Variants in ATXN7 observed in about 807,000 individuals in gnomAD.
The protein encoded by ATXN7 is ataxin-7.
A neutral mutation model predicts 70.5 loss-of-function variants in ATXN7; 12 were observed. The observed-to-expected ratio is 0.17, with a 90% CI of 0.11 to 0.28. ATXN7 has a LOEUF of 0.28. Ranked by LOEUF, ATXN7 falls within the 10% of genes least tolerant of loss-of-function variation. The probability of loss-of-function intolerance (pLI) is 1.00; values close to 1 mark genes in which losing one functional copy is unlikely to be tolerated. For synonymous variants in ATXN7, 498 were observed against 448.7 expected, an observed-to-expected ratio of 1.11 and a Z score of -1.39; for missense variants, 1,256 against 1,131.7, an observed-to-expected ratio of 1.11 and a Z score of -1.58.
chr3:63,997,742 C>CTG, intron 12 of ATXN7: 1 of 1,543,258 alleles, frequency 6.5e-7, no homozygotes, highest in Non-Finnish European at 8.7e-7. Flanking sequence ...GAACTTAACT[C>CTG]AAATGCCAGC....
At chr3:63,986,517 T>C (rs960826647) in intron 8 of ATXN7, among the ~76,000 whole-genome samples, 2 of 152,204 alleles carry the variant, frequency 1.3e-5, no homozygotes, top group Non-Finnish European at 2.9e-5. Flanking sequence ...AGTAATATTA[T>C]ATGTTCATTC....
intron 7 of ATXN7, 84 bp from the exon 8 acceptor site, chr3:63,982,855 G>T (rs929017556): frequency 1.9e-6 from 2 of 1,045,022 alleles, no homozygotes; most frequent in African/African-American, 3.2e-5. Context: ...TTATCTAACT[G>T]TTGATTTCTT....
upstream of ATXN7, chr3:63,863,447 T>C (rs892496408): frequency 9.6e-5 from 108 of 1,130,276 alleles, no homozygotes; most frequent in Non-Finnish European, 1.1e-4. Flanking sequence ...GCACCGCTTC[T>C]AGCCGTCTCG....
At chr3:63,899,084 A>G (rs1703534024) in intron 2 of ATXN7, among the ~76,000 whole-genome samples, 2 of 149,330 alleles carry the variant, frequency 1.3e-5, no homozygotes, top group Admixed American at 1.3e-4. Flanking sequence ...TTTTTTTGAG[A>G]CAGAGTCTCA....
At chr3:63,927,803 G>T (rs1334106551) in intron 4 of ATXN7, among the ~76,000 whole-genome samples, 1 of 152,026 alleles carries the variant, frequency 6.6e-6, no homozygotes, top group African/African-American at 2.4e-5. Context: ...GACAGACTCG[G>T]TGTCTGCTGT....
rs116691118 is a variant in ATXN7 at position 63,952,763 on chromosome 3, C to G, written c.499+280C>G. 7.9e-3 allele frequency among the ~76,000 whole-genome samples: 1,159 copies of G among 146,728 alleles called. 17 individuals carry two copies. Among genetic ancestry groups the G allele is most frequent in the African/African-American group, 0.026 (1,023 of 39,382 alleles). On this transcript the variant is annotated intron_variant, in intron 5 of 12. Transcript: ENST00000674280. ...CATCAGTATAATTACAAGTTTGTTT[C>G]CTTCTGGAGCCCCTGGTTGTGAATT...
At chr3:63,954,710 T>G (rs866591815) in intron 5 of ATXN7, among the ~76,000 whole-genome samples, 1,764 of 142,776 alleles carry the variant, frequency 0.012, 46 homozygotes, top group African/African-American at 0.044. Flanking sequence ...TTTTTTTTTT[T>G]GTTTTTTTTT....
rs554070366 is a variant in ATXN7, at chr3:63,976,299, G to A, written c.500-3616G>A. Among the ~76,000 whole-genome samples, 272 of 152,254 alleles carry A rather than the reference G, an allele frequency of 1.8e-3. 2 individuals are homozygous for A. The highest frequency in any genetic ancestry group is 5.0e-3 in the South Asian group (24 of 4,826). ...TTTTCCTTCTTGCTTTCTTGTGGGG[G>A]GAAAGCCAGATGCTGTCCTTTTCAC... On this transcript the variant is annotated intron_variant, in intron 5 of 12. Transcript: ENST00000674280.
At position 63,939,716 on chromosome 3, in the gene ATXN7, A is replaced by G. The variant is rs138311876; in HGVS notation, c.395-12663A>G. Reference sequence around the variant, plus strand: ...ATTCTATAGTGTTTTAACTTGCCCTATTTCAACCTCTCCTCCCCAACTCCA... The same window carrying G: ...ATTCTATAGTGTTTTAACTTGCCCTGTTTCAACCTCTCCTCCCCAACTCCA... On this transcript the variant is annotated intron_variant, in intron 4 of 12. Coordinates refer to ENST00000674280, the MANE Select transcript of ATXN7 (RefSeq NM_001377405.1). Among the ~76,000 whole-genome samples the G allele has an allele frequency of 3.1e-3, 468 of 152,230 alleles. 5 individuals are homozygous for G. Among genetic ancestry groups the G allele is most frequent in the Middle Eastern group, 0.014 (4 of 294 alleles).
chr3:63,871,873 A>T (rs1003445367), intron 1 of ATXN7, among the ~76,000 whole-genome samples: 3 of 152,018 alleles, frequency 2.0e-5, no homozygotes, highest in African/African-American at 7.3e-5. Context: ...TTAAAAAAAA[A>T]ACAGATTATA....
rs762946077 is a variant in ATXN7 at position 63,982,249 on chromosome 3, T to G, written c.816T>G (p.Ser272=). 1 of 1,614,162 alleles carries G rather than the reference T, an allele frequency of 6.2e-7. No homozygotes were observed. The highest frequency in any genetic ancestry group is 8.5e-7 in the Non-Finnish European group (1 of 1,180,020). ...AAATGGATGGCACACTACTGAAATCTGCGGTGGGGCCAACCTGTCCTGCTA... is the reference window on the plus strand; with the variant it reads ...AAATGGATGGCACACTACTGAAATCGGCGGTGGGGCCAACCTGTCCTGCTA... ...HPKMDGTLLK[S]AVGPTCPATV... is the part of the protein sequence containing the mutation. Residue 272 remains serine (S), a synonymous_variant, in exon 7 of 13, where the codon TCT becomes TCG. Transcript: ENST00000674280.
At chr3:63,965,299 G>GT (rs773434852) in intron 5 of ATXN7, among the ~76,000 whole-genome samples, 8 of 152,156 alleles carry the variant, frequency 5.3e-5, no homozygotes, top group Non-Finnish European at 1.0e-4. Flanking sequence ...GGAGGAGGCA[G>GT]TATCAGTCCT....
At chr3:63,965,239 C>T (rs17069548) in intron 5 of ATXN7, among the ~76,000 whole-genome samples, 3,086 of 152,206 alleles carry the variant, frequency 0.02, 104 homozygotes, top group African/African-American at 0.069. Flanking sequence ...AAGTGCTGGG[C>T]GTTGCATTAC....
intron 6 of ATXN7, among the ~76,000 whole-genome samples, chr3:63,981,186 T>C (rs1443680251): frequency 6.6e-6 from 1 of 152,162 alleles, no homozygotes; most frequent in Non-Finnish European, 1.5e-5. Context: ...ATGTGACATC[T>C]TGCAGTCTCT....
intron 2 of ATXN7, chr3:63,904,287 T>A (rs1163840396): frequency 7.3e-6 from 1 of 137,146 alleles, no homozygotes; most frequent in East Asian, 2.0e-4. Context: ...GCTGAATAAT[T>A]TTTTTTTTTT....
intron 2 of ATXN7, among the ~76,000 whole-genome samples, chr3:63,899,886 G>A (rs547490902): frequency 7.9e-5 from 12 of 152,146 alleles, no homozygotes; most frequent in Non-Finnish European, 1.3e-4. Flanking sequence ...CAAAGTGCTG[G>A]GATTACACGC....
At chr3:63,870,409 T>C (rs12631045) in intron 1 of ATXN7, among the ~76,000 whole-genome samples, 28,758 of 152,064 alleles carry the variant, frequency 0.19, 2,838 homozygotes, top group Middle Eastern at 0.24. Context: ...CACACACGTA[T>C]GTGTGTGTGT....
intron 9 of ATXN7, among the ~76,000 whole-genome samples, chr3:63,989,940 A>G (rs556497781): frequency 1.3e-5 from 2 of 152,330 alleles, no homozygotes; most frequent in African/African-American, 4.8e-5. Flanking sequence ...AATAGAAAGG[A>G]TTCGTTCTAA....
At chr3:63,916,851 A>C (rs1333671598) in intron 4 of ATXN7, among the ~76,000 whole-genome samples, 6 of 152,154 alleles carry the variant, frequency 3.9e-5, no homozygotes, top group Non-Finnish European at 8.8e-5. Context: ...TTGCAATATT[A>C]GTTGTTAGCA....
Sources: allele counts gnomAD v4.1 joint callset (sites outside exome capture counted in the v4.1 genomes callset), GRCh38; gene constraint gnomAD v4.1.1; transcripts MANE v1.5; gene names NCBI Gene and HGNC (gene_info 2026-07-23, HGNC 2026-07-21).